ZFHX3: variants seen among roughly 807,000 people sequenced by gnomAD.
ZFHX3 encodes zinc finger homeobox 3, also known as zinc finger homeobox protein 3.
ZFHX3 carries 42 observed loss-of-function variants against 279.1 expected under a neutral mutation model. The ratio of observed to expected loss-of-function variants is 0.15; its 90% confidence interval spans 0.12 to 0.19. The LOEUF (loss-of-function observed/expected upper bound fraction) is 0.19. Ranked by LOEUF, ZFHX3 falls within the 10% of genes least tolerant of loss-of-function variation. The probability of loss-of-function intolerance (pLI) is 1.00; values close to 1 mark genes in which losing one functional copy is unlikely to be tolerated. For missense variants in ZFHX3, 4,981 were observed against 4,754.0 expected (o/e 1.05, Z -1.40); for synonymous variants, 2,293 against 1,957.8 (o/e 1.17, Z -4.52).
intron 6 of ZFHX3, among the ~76,000 whole-genome samples, chr16:73,142,101 T>G (rs1447176118): frequency 6.6e-6 from 1 of 152,152 alleles, no homozygotes; most frequent in Non-Finnish European, 1.5e-5. Flanking sequence ...TCAAACATGG[T>G]CCCTCCCTTT....
chr16:73,415,361 G>A (rs1467791265), intron 3 of ZFHX3, among the ~76,000 whole-genome samples: 1 of 152,170 alleles, frequency 6.6e-6, no homozygotes, highest in East Asian at 1.9e-4. Context: ...TTTAAGCCAT[G>A]CTGTTAAAAA....
intron 1 of ZFHX3, among the ~76,000 whole-genome samples, chr16:72,988,174 T>C (rs995218375): frequency 2.6e-5 from 4 of 152,164 alleles, no homozygotes; most frequent in African/African-American, 9.7e-5. Context: ...CTGTAAACCA[T>C]TAAGGCCATT....
chr16:72,832,009 T>C (rs956484795), intron 4 of ZFHX3, among the ~76,000 whole-genome samples: 10 of 152,208 alleles, frequency 6.6e-5, no homozygotes, highest in Non-Finnish European at 1.3e-4. Context: ...GATGGCTCAA[T>C]GGCCTCTCAT....
chr16:73,303,706 T>C (rs2015110737), intron 4 of ZFHX3, among the ~76,000 whole-genome samples: 2 of 151,866 alleles, frequency 1.3e-5, no homozygotes, highest in South Asian at 2.1e-4. Context: ...AAAAAGATAA[T>C]CACCTCAATT....
chr16:73,889,252 C>G (rs1211878177), intron 1 of ZFHX3, among the ~76,000 whole-genome samples: 1 of 152,218 alleles, frequency 6.6e-6, no homozygotes, highest in Non-Finnish European at 1.5e-5. Flanking sequence ...AGGAAGGAAG[C>G]TGCGCCAGAC....
At chr16:73,135,180 A>C (rs1966766871) in intron 6 of ZFHX3, among the ~76,000 whole-genome samples, 1 of 152,194 alleles carries the variant, frequency 6.6e-6, no homozygotes, top group Non-Finnish European at 1.5e-5. Flanking sequence ...TAGCTTATCC[A>C]AGAAATCTTG....
intron 3 of ZFHX3, among the ~76,000 whole-genome samples, chr16:73,331,541 A>G (rs2015805015): frequency 6.6e-6 from 1 of 152,216 alleles, no homozygotes; most frequent in Non-Finnish European, 1.5e-5. Flanking sequence ...TGGTCTGTGC[A>G]GAGAGTACAT....
intron 7 of ZFHX3, among the ~76,000 whole-genome samples, chr16:73,116,864 G>A (rs1350193307): frequency 6.6e-6 from 1 of 152,166 alleles, no homozygotes; most frequent in Admixed American, 6.5e-5. Context: ...GATGAGATGA[G>A]AACACAGAAA....
chr16:73,715,031 C>T (rs2053401090), intron 1 of ZFHX3, among the ~76,000 whole-genome samples: 1 of 152,178 alleles, frequency 6.6e-6, no homozygotes, highest in African/African-American at 2.4e-5. Context: ...CTCCCTACCC[C>T]CATGAAGTTG....
rs116602200 is a variant in ZFHX3 at position 73,736,773 on chromosome 16, C to T, written c.-1607-56533G>A. ...CAGCCACTCCATTCATTTAGGGATG[C>T]ATTCTGGCACAATGGGAAGACAGTT... On this transcript the variant is annotated intron_variant, in intron 1 of 17. Transcript: ENST00000641206. Among the ~76,000 whole-genome samples, 333 of 152,310 alleles carry T rather than the reference C, an allele frequency of 2.2e-3. 2 individuals carry two copies. Among genetic ancestry groups the T allele is most frequent in the African/African-American group, 7.5e-3 (312 of 41,574 alleles).
chr16:73,126,088 G>T (rs1042257563), intron 7 of ZFHX3, among the ~76,000 whole-genome samples: 2 of 152,152 alleles, frequency 1.3e-5, no homozygotes, highest in African/African-American at 2.4e-5. Flanking sequence ...CTAGTATGGG[G>T]TTTGTGCTAG....
chr16:73,182,300 T>C (rs893287949), intron 5 of ZFHX3, among the ~76,000 whole-genome samples: 3 of 152,088 alleles, frequency 2.0e-5, no homozygotes, highest in Non-Finnish European at 4.4e-5. Context: ...CTACTAAAAA[T>C]ACAAAACTTA....
At chr16:73,101,061 T>C (rs1282094061) in intron 7 of ZFHX3, among the ~76,000 whole-genome samples, 1 of 152,140 alleles carries the variant, frequency 6.6e-6, no homozygotes, top group East Asian at 1.9e-4. Context: ...TCTCAAACCA[T>C]CTAAATCCAC....
chr16:73,739,994 T>C (rs1218438323), intron 1 of ZFHX3, among the ~76,000 whole-genome samples: 2 of 152,108 alleles, frequency 1.3e-5, no homozygotes, highest in African/African-American at 4.8e-5. Flanking sequence ...TCCCAGTCCC[T>C]CTCAGGGACA....
chr16:73,008,832 G>A (rs1963807108), intron 1 of ZFHX3, among the ~76,000 whole-genome samples: 1 of 152,114 alleles, frequency 6.6e-6, no homozygotes, highest in Admixed American at 6.6e-5. Context: ...AAGAAGGCAG[G>A]AGGGAAAAAC....
chr16:73,045,647 A>ATTC (rs1965267201), intron 1 of ZFHX3, among the ~76,000 whole-genome samples: 1 of 93,230 alleles, frequency 1.1e-5, no homozygotes, highest in Non-Finnish European at 2.0e-5. Flanking sequence ...TTACATTATT[A>ATTC]TTATTATTAT....
intron 3 of ZFHX3, among the ~76,000 whole-genome samples, chr16:73,332,854 G>C (rs1490953960): frequency 2.6e-5 from 4 of 152,210 alleles, no homozygotes; most frequent in South Asian, 4.1e-4. Flanking sequence ...GAGAAACTGA[G>C]ACATAGTGAA....
chr16:73,029,878 A>G (rs1473112186), intron 1 of ZFHX3, among the ~76,000 whole-genome samples: 1 of 152,192 alleles, frequency 6.6e-6, no homozygotes, highest in Non-Finnish European at 1.5e-5. Context: ...CTGCTCCAAT[A>G]AGGAGAATGC....
intron 3 of ZFHX3, among the ~76,000 whole-genome samples, chr16:73,431,476 C>T (rs1050351211): frequency 3.3e-5 from 5 of 152,026 alleles, no homozygotes; most frequent in African/African-American, 1.2e-4. Context: ...AGGAGGTGTA[C>T]GTTGCAGTGC....
Sources: allele counts gnomAD v4.1 joint callset (sites outside exome capture counted in the v4.1 genomes callset), GRCh38; gene constraint gnomAD v4.1.1; transcripts MANE v1.5; gene names NCBI Gene and HGNC (gene_info 2026-07-23, HGNC 2026-07-21).